The following RABGAP1 variants were observed in gnomAD, a reference collection of about 807,000 sequenced individuals.
RABGAP1 encodes RAB GTPase activating protein 1, also known as rab GTPase-activating protein 1.
RABGAP1 carries 23 observed loss-of-function variants against 137.6 expected under a neutral mutation model. That is an observed-to-expected ratio of 0.17 (90% CI 0.12 to 0.24). RABGAP1 has a LOEUF of 0.24. Among genes scored for constraint, RABGAP1 ranks in the 10% least tolerant of loss-of-function variants. RABGAP1 has a pLI of 1.00. For synonymous variants in RABGAP1, 451 were observed against 450.7 expected, an observed-to-expected ratio of 1.00 and a Z score of -0.01; for missense variants, 906 against 1,275.8, an observed-to-expected ratio of 0.71 and a Z score of 4.42.
chr9:122,971,701 C>G (rs1048675494), intron 2 of RABGAP1: 3 of 152,158 alleles, frequency 2.0e-5, no homozygotes, highest in Admixed American at 1.3e-4. Context: ...ATATGTTAAA[C>G]AGCAAATTAC....
intron 11 of RABGAP1, among the ~76,000 whole-genome samples, chr9:123,013,400 C>T (rs1424674178): frequency 1.3e-5 from 2 of 151,208 alleles, no homozygotes; most frequent in South Asian, 2.1e-4. Context: ...GGCACAATTT[C>T]GGCTCACTGC....
intron 13 of RABGAP1, among the ~76,000 whole-genome samples, chr9:123,057,098 C>G (rs373397810): frequency 1.5e-5 from 2 of 136,070 alleles, no homozygotes; most frequent in Non-Finnish European, 3.4e-5. Context: ...GCTGGCCGGG[C>G]GGGGGGCTGA....
chr9:123,058,420 A>G (rs1427098535), intron 13 of RABGAP1, among the ~76,000 whole-genome samples: 1 of 152,236 alleles, frequency 6.6e-6, no homozygotes. Context: ...TATTAGCCAT[A>G]GTTATTATCT....
chr9:123,001,221 A>T (rs1221551724), intron 10 of RABGAP1, among the ~76,000 whole-genome samples: 4 of 152,244 alleles, frequency 2.6e-5, no homozygotes, highest in African/African-American at 7.2e-5. Flanking sequence ...ATTGTTTATT[A>T]TCTATTTTGT....
chr9:123,085,648 G>T (rs1313706871), intron 19 of RABGAP1, among the ~76,000 whole-genome samples: 1 of 152,204 alleles, frequency 6.6e-6, no homozygotes, highest in Non-Finnish European at 1.5e-5. Flanking sequence ...TAAATCCATA[G>T]CTTCCCTTGC....
chr9:123,019,061 A>G (rs1291458107), intron 12 of RABGAP1, among the ~76,000 whole-genome samples: 4 of 152,192 alleles, frequency 2.6e-5, no homozygotes, highest in African/African-American at 9.7e-5. Context: ...GGTTGTTCTG[A>G]AGGTCAAATA....
intron 2 of RABGAP1, among the ~76,000 whole-genome samples, chr9:122,975,228 C>T (rs1428073790): frequency 1.3e-5 from 2 of 152,162 alleles, no homozygotes; most frequent in African/African-American, 4.8e-5. Context: ...AGCATGTTTT[C>T]TTGAGGGCCT....
At chr9:123,047,934 T>G (rs1351918933) in intron 13 of RABGAP1, among the ~76,000 whole-genome samples, 37 of 73,504 alleles carry the variant, frequency 5.0e-4, no homozygotes, top group African/African-American at 2.5e-3. Context: ...TTTTTTTTTT[T>G]TTTTTTTTTT....
In RABGAP1 at chr9:123,020,294, T is replaced by C; in HGVS notation, c.1644-15T>C. On this transcript the variant is annotated splice_polypyrimidine_tract_variant and intron_variant, in intron 12 of 25. Coordinates refer to ENST00000373647, the MANE Select transcript of RABGAP1 (RefSeq NM_012197.4). ...TCTTCCTTTTATGATTTATGGTTTA[T>C]GGCCTTATTTTTAGGCATCTCAACT... is the stretch of plus-strand genomic sequence containing the variant. 1 of 1,515,158 alleles carries C rather than the reference T, an allele frequency of 6.6e-7. No homozygotes were observed. Among genetic ancestry groups the C allele is most frequent in the South Asian group, 1.3e-5 (1 of 74,264 alleles). The allele number at this position is 1,515,158 out of a possible 1,614,324, so 93.9% of individuals were successfully genotyped here. A position where few individuals can be genotyped will look rare whatever the true frequency, so the allele number is the denominator to read the frequency against.
At chr9:122,939,202 T>C (rs1215879747), upstream of RABGAP1, 4 of 151,806 alleles carry the variant, frequency 2.6e-5, no homozygotes, top group African/African-American at 4.8e-5. Flanking sequence ...GAAAATGTAC[T>C]GAAATAAGGT....
intron 11 of RABGAP1, among the ~76,000 whole-genome samples, chr9:123,011,618 T>C (rs908825348): frequency 3.9e-5 from 6 of 152,210 alleles, no homozygotes; most frequent in African/African-American, 1.4e-4. Flanking sequence ...ATAATCCTCA[T>C]AATAATCCTG....
chr9:123,029,732 T>G lies in RABGAP1; in HGVS notation c.1794+9273T>G, dbSNP rs1461134533. The G allele has an allele frequency of 7.8e-6, 5 of 637,238 alleles. No homozygotes were observed. In the African/African-American group the frequency reaches 9.0e-5, roughly 12 times the overall value. The allele number at this position is 637,238 out of a possible 1,614,324, so 39.5% of individuals were successfully genotyped here. A position where few individuals can be genotyped will look rare whatever the true frequency, so the allele number is the denominator to read the frequency against. On this transcript the variant is annotated intron_variant, in intron 13 of 25. Coordinates refer to ENST00000373647, the MANE Select transcript of RABGAP1 (RefSeq NM_012197.4). ...GCTGACTTTCCAGTGTCTGTCTTCT[T>G]CTTGTAGTCCTTGGGTGGCATCGTG...
At chr9:123,090,243 G>A in intron 20 of RABGAP1, 32 bp from the exon 21 acceptor site, 4 of 1,505,156 alleles carry the variant, frequency 2.7e-6, no homozygotes, top group Non-Finnish European at 3.6e-6. Flanking sequence ...TGATTTTTAT[G>A]TGTCTGTAAC....
At chr9:122,933,957 C>T in the RABGAP1 span, among the ~76,000 whole-genome samples, 8 of 151,300 alleles carry the variant, frequency 5.3e-5, no homozygotes, top group East Asian at 2.0e-4. Flanking sequence ...TTGTAGAGAC[C>T]GCGCCTTGCT....
chr9:123,011,382 T>C (rs1398859489), intron 11 of RABGAP1, among the ~76,000 whole-genome samples: 3 of 152,172 alleles, frequency 2.0e-5, no homozygotes, highest in African/African-American at 7.2e-5. Context: ...AGTTAAGAAG[T>C]TGCATTAACA....
At chr9:122,950,535 C>T (rs1350607965) in intron 1 of RABGAP1, among the ~76,000 whole-genome samples, 1 of 151,712 alleles carries the variant, frequency 6.6e-6, no homozygotes, top group Non-Finnish European at 1.5e-5. Flanking sequence ...TATAGTAGAG[C>T]CCTGCTGTGT....
At chr9:123,094,846 CTGTT>C (rs2035132612) in intron 21 of RABGAP1, among the ~76,000 whole-genome samples, 1 of 152,054 alleles carries the variant, frequency 6.6e-6, no homozygotes, top group Admixed American at 6.5e-5. Flanking sequence ...TTTCGTGTGT[CTGTT>C]GTTATAATTT....
intron 21 of RABGAP1, among the ~76,000 whole-genome samples, chr9:123,091,475 T>C (rs1249460621): frequency 1.3e-5 from 2 of 152,206 alleles, no homozygotes; most frequent in Admixed American, 1.3e-4. Flanking sequence ...CCACAGTATC[T>C]ACCCATTCAG....
the RABGAP1 span, among the ~76,000 whole-genome samples, chr9:122,933,266 G>T: frequency 1.3e-5 from 2 of 151,672 alleles, no homozygotes; most frequent in Non-Finnish European, 2.9e-5. Context: ...TGTTCCTAGC[G>T]AGGTAAATGC....
Sources: allele counts gnomAD v4.1 joint callset (sites outside exome capture counted in the v4.1 genomes callset), GRCh38; gene constraint gnomAD v4.1.1; transcripts MANE v1.5; gene names NCBI Gene and HGNC (gene_info 2026-07-23, HGNC 2026-07-21).